Variants in FER observed in about 807,000 individuals in gnomAD.
FER encodes the protein FER tyrosine kinase.
A neutral mutation model predicts 111.0 loss-of-function variants in FER; 63 were observed. That is an observed-to-expected ratio of 0.57 (90% confidence interval 0.46 to 0.70). The LOEUF is 0.70. Ranked by LOEUF, FER falls within the 30% of genes least tolerant of loss-of-function variation. FER has a pLI of 0.00. For missense variants in FER, 914 were observed against 954.0 expected, an observed-to-expected ratio of 0.96 and a Z score of 0.55; for synonymous variants, 327 against 313.9, an observed-to-expected ratio of 1.04 and a Z score of -0.44.
At position 108,967,759 on chromosome 5, in the gene FER, CAAAAAAAAA is replaced by C. The variant is rs774855414; in HGVS notation, c.1656+8428_1656+8436del. Among the ~76,000 whole-genome samples, 248 of 34,454 alleles carry C rather than the reference CAAAAAAAAA, an allele frequency of 7.2e-3. 1 individual carries two copies. Among genetic ancestry groups the C allele is most frequent in the African/African-American group, 0.024 (224 of 9,368 alleles). The allele number at this position is 34,454 out of a possible 152,430, so 22.6% of individuals were successfully genotyped here. A position where few individuals can be genotyped will look rare whatever the true frequency, so the allele number is the denominator to read the frequency against. ...TGGGCGACAAAGCGAGACTCCGTCT[CAAAAAAAAA>C]AAAAAAAAAAAAAAACAATTAGGAA... On this transcript the variant is annotated intron_variant, in intron 13 of 19. Coordinates refer to ENST00000281092, the MANE Select transcript of FER (RefSeq NM_005246.4).
intron 16 of FER, among the ~76,000 whole-genome samples, chr5:109,086,112 T>C (rs1777535762): frequency 6.6e-6 from 1 of 151,758 alleles, no homozygotes; most frequent in Non-Finnish European, 1.5e-5. Flanking sequence ...ATTGATTCTA[T>C]TTTTTTCTTA....
chr5:108,801,835 C>A (rs762769808), intron 3 of FER, among the ~76,000 whole-genome samples: 8 of 152,156 alleles, frequency 5.3e-5, no homozygotes, highest in Non-Finnish European at 7.4e-5. Flanking sequence ...ACTATCCTTG[C>A]AGTTTGGGGC....
intron 17 of FER, among the ~76,000 whole-genome samples, chr5:109,161,778 G>A (rs1756015001): frequency 6.6e-6 from 1 of 152,040 alleles, no homozygotes; most frequent in Admixed American, 6.6e-5. Context: ...TTAGACCCCA[G>A]TGCAACCCCA....
intron 10 of FER, among the ~76,000 whole-genome samples, chr5:108,910,162 T>G (rs1430420532): frequency 6.6e-6 from 1 of 152,154 alleles, no homozygotes; most frequent in Non-Finnish European, 1.5e-5. Flanking sequence ...AGATTAAATA[T>G]AAATTTTTGT....
At chr5:109,184,163 C>T (rs1445958372) in intron 18 of FER, among the ~76,000 whole-genome samples, 1 of 152,116 alleles carries the variant, frequency 6.6e-6, no homozygotes, top group East Asian at 1.9e-4. Context: ...AATTATTGAA[C>T]AGAAATTTTC....
At chr5:108,961,575 T>C (rs141589184) in intron 13 of FER, among the ~76,000 whole-genome samples, 1 of 152,290 alleles carries the variant, frequency 6.6e-6, no homozygotes, top group African/African-American at 2.4e-5. Flanking sequence ...TGATTTTTTA[T>C]ATGAGGTAGA....
At chr5:109,036,154 T>C (rs1226333177) in intron 13 of FER, among the ~76,000 whole-genome samples, 2 of 152,186 alleles carry the variant, frequency 1.3e-5, no homozygotes, top group African/African-American at 4.8e-5. Context: ...TCAATTTTGA[T>C]GAGGTCCAAT....
At chr5:109,055,006 C>G (rs913427859) in intron 16 of FER, among the ~76,000 whole-genome samples, 1 of 152,114 alleles carries the variant, frequency 6.6e-6, no homozygotes, top group African/African-American at 2.4e-5. Context: ...AGTCTTGACT[C>G]AGAAATAAAT....
intron 17 of FER, among the ~76,000 whole-genome samples, chr5:109,116,544 C>G (rs145516756): frequency 0.012 from 1,801 of 152,056 alleles, 26 homozygotes; most frequent in Non-Finnish European, 0.016. Flanking sequence ...ATGATTCTTT[C>G]AGTTCTAAAG....
rs921951757 is a variant in FER at position 108,887,349 on chromosome 5, A to G, written c.1046+3831A>G. Reference sequence around the variant, plus strand: ...TAATGACAGTGAAAAAATAAATTATATGATAAATCATTTGATGGCTTTGAT... The same window carrying G: ...TAATGACAGTGAAAAAATAAATTATGTGATAAATCATTTGATGGCTTTGAT... On this transcript the variant is annotated intron_variant, in intron 9 of 19. Transcript: ENST00000281092. 8.6e-5 allele frequency among the ~76,000 whole-genome samples: 13 copies of G among 151,798 alleles called. No homozygotes were observed. In the East Asian group the frequency reaches 1.5e-3, roughly 18 times the overall value.
intron 10 of FER, among the ~76,000 whole-genome samples, chr5:108,929,398 C>G (rs747108847): frequency 3.5e-4 from 54 of 152,230 alleles, no homozygotes; most frequent in Admixed American, 1.2e-3. Flanking sequence ...TCTTGTAAGT[C>G]AATTCCTATC....
At chr5:108,787,751 T>C (rs890493612) in intron 2 of FER, among the ~76,000 whole-genome samples, 4 of 152,202 alleles carry the variant, frequency 2.6e-5, no homozygotes, top group African/African-American at 4.8e-5. Flanking sequence ...ACAACCTGCC[T>C]GTGGAAAGGA....
chr5:109,067,227 TTTGTTGTTGTTG>T (rs111663056), intron 16 of FER, among the ~76,000 whole-genome samples: 7 of 150,008 alleles, frequency 4.7e-5, no homozygotes, highest in East Asian at 3.9e-4. Flanking sequence ...GAGTGACTGG[TTTGTTGTTGTTG>T]TTGTTGTTGT....
chr5:109,059,116 T>C (rs1236045101), intron 16 of FER, among the ~76,000 whole-genome samples: 2 of 152,122 alleles, frequency 1.3e-5, no homozygotes, highest in East Asian at 1.9e-4. Flanking sequence ...AATATATTGC[T>C]GTTTAACATC....
chr5:108,970,528 A>G (rs1760501046), intron 13 of FER, among the ~76,000 whole-genome samples: 1 of 152,020 alleles, frequency 6.6e-6, no homozygotes, highest in South Asian at 2.1e-4. Context: ...CCTATACTTT[A>G]TTTTTAGAAG....
chr5:108,791,582 A>ATG (rs1302020232), intron 2 of FER, among the ~76,000 whole-genome samples: 4 of 149,178 alleles, frequency 2.7e-5, no homozygotes, highest in African/African-American at 9.8e-5. Flanking sequence ...TATGATATAT[A>ATG]TATATACATA....
At chr5:109,018,501 G>A (rs1384343071) in intron 13 of FER, among the ~76,000 whole-genome samples, 2 of 151,666 alleles carry the variant, frequency 1.3e-5, no homozygotes, top group Non-Finnish European at 3.0e-5. Context: ...GTGTGGTTTG[G>A]TGGTGAAGAA....
At chr5:108,867,501 A>G (rs1764183108) in intron 5 of FER, among the ~76,000 whole-genome samples, 1 of 152,088 alleles carries the variant, frequency 6.6e-6, no homozygotes, top group Admixed American at 6.6e-5. Context: ...AAAGGATCAT[A>G]TATCTGTACT....
chr5:109,132,473 C>T (rs910234242), intron 17 of FER, among the ~76,000 whole-genome samples: 2 of 152,108 alleles, frequency 1.3e-5, no homozygotes, highest in African/African-American at 4.8e-5. Context: ...AGAACTTCAA[C>T]CCCAGCAGGT....
Sources: allele counts gnomAD v4.1 joint callset (sites outside exome capture counted in the v4.1 genomes callset), GRCh38; gene constraint gnomAD v4.1.1; transcripts MANE v1.5; gene names NCBI Gene and HGNC (gene_info 2026-07-23, HGNC 2026-07-21).